C16orf96: variants seen among roughly 807,000 people sequenced by gnomAD.
C16orf96 encodes chromosome 16 open reading frame 96.
In C16orf96, 108 loss-of-function variants were observed where a neutral mutation model predicts 103.6. The ratio of observed to expected loss-of-function variants is 1.04; its 90% CI spans 0.89 to 1.22. The LOEUF (loss-of-function observed/expected upper bound fraction) is 1.22. Among genes scored for constraint, C16orf96 ranks in the 50% most tolerant of loss-of-function variants. The probability of loss-of-function intolerance (pLI) is 0.00; values close to 1 mark genes in which losing one functional copy is unlikely to be tolerated. For missense variants in C16orf96, 1,586 were observed against 1,464.2 expected, an observed-to-expected ratio of 1.08 and a Z score of -1.36; for synonymous variants, 566 against 593.5, an observed-to-expected ratio of 0.95 and a Z score of 0.67.
chr16:4,593,460 G>C lies in C16orf96; in HGVS notation c.2867+144G>C. 1 of 765,822 alleles carries C rather than the reference G, an allele frequency of 1.3e-6. No individual in the cohort carries two copies. The highest frequency in any genetic ancestry group is 2.1e-6 in the Non-Finnish European group (1 of 475,274). 47.4% of individuals were successfully genotyped at this position (765,822 alleles called of 1,614,324 possible). A position where few individuals can be genotyped will look rare whatever the true frequency, so the allele number is the denominator to read the frequency against. On this transcript the variant is annotated intron_variant, in intron 12 of 15. Coordinates refer to ENST00000444310, the MANE Select transcript of C16orf96 (RefSeq NM_001145011.2). The surrounding 1 kb of genome is among the most constrained non-coding windows in gnomAD (Gnocchi z 4.2). ...ACATGGCCAGCCCTTCGCAAGACAG[G>C]CACTCCGAGAGGTGGCTGGGGCGGC...
chr16:4,556,715 A>G lies in C16orf96; in HGVS notation c.226A>G (p.Arg76Gly). ...CCAGCCTATCCTCAACCCCATGAAGAGGCTCAGCAATGTCTTCGACCACGT... is the reference window on the plus strand; with the variant it reads ...CCAGCCTATCCTCAACCCCATGAAGGGGCTCAGCAATGTCTTCGACCACGT... ...DAQPILNPMK[R>G]LSNVFDHVVS... Residue 76 changes from arginine to glycine, a missense_variant, in exon 1 of 16, where the codon AGG becomes GGG. By Grantham distance (125) the Arg-to-Gly change is moderately radical. Transcript: ENST00000444310. 1 of 1,551,674 alleles carries G rather than the reference A, an allele frequency of 6.4e-7. No homozygotes were observed. The highest frequency in any genetic ancestry group is 8.7e-7 in the Non-Finnish European group (1 of 1,147,000).
intron 14 of C16orf96, among the ~76,000 whole-genome samples, chr16:4,597,925 A>G (rs991463024): frequency 2.6e-5 from 4 of 152,178 alleles, no homozygotes; most frequent in African/African-American, 7.2e-5. Context: ...TTAAAGCTGA[A>G]AAGTGGTAAG....
At chr16:4,590,107 C>G (rs1394422918) in intron 9 of C16orf96, among the ~76,000 whole-genome samples, 1 of 151,798 alleles carries the variant, frequency 6.6e-6, no homozygotes, top group African/African-American at 2.4e-5. Context: ...GCCTGGGCGA[C>G]AGAGCAAGAC....
intron 1 of C16orf96, among the ~76,000 whole-genome samples, chr16:4,559,815 C>G (rs1021758334): frequency 6.6e-6 from 1 of 152,072 alleles, no homozygotes; most frequent in African/African-American, 2.4e-5. Context: ...ACGGATTTGC[C>G]TATTCTGGAC....
the C16orf96 span, among the ~76,000 whole-genome samples, chr16:4,540,149 C>T: frequency 1.3e-5 from 2 of 152,180 alleles, no homozygotes; most frequent in African/African-American, 2.4e-5. Context: ...GCTACTTGCT[C>T]AGGTACTTCC....
intron 9 of C16orf96, among the ~76,000 whole-genome samples, chr16:4,590,141 C>T (rs752857304): frequency 8.7e-5 from 13 of 149,648 alleles, no homozygotes; most frequent in South Asian, 8.4e-4. Flanking sequence ...AATACTCCCT[C>T]GGGTGGCACA....
At chr16:4,571,835 T>C (rs926404095) in intron 2 of C16orf96, among the ~76,000 whole-genome samples, 170 bp downstream of exon 2, 2 of 151,420 alleles carry the variant, frequency 1.3e-5, no homozygotes, top group African/African-American at 4.9e-5. Flanking sequence ...CTGTGACCCC[T>C]CCATGCTTTC....
At chr16:4,592,548 T>C (rs1897083691) in intron 11 of C16orf96, among the ~76,000 whole-genome samples, 181 bp downstream of exon 11, 1 of 151,570 alleles carries the variant, frequency 6.6e-6, no homozygotes, top group Admixed American at 6.6e-5. Flanking sequence ...ATGCACCAGG[T>C]ATCTACACAT....
At chr16:4,547,356 T>G in the C16orf96 span, among the ~76,000 whole-genome samples, 25 of 152,288 alleles carry the variant, frequency 1.6e-4, no homozygotes, top group East Asian at 4.4e-3. Flanking sequence ...AGGCTGATCT[T>G]GAACTCCTGA....
At chr16:4,568,126 A>G (rs1269251809) in intron 1 of C16orf96, among the ~76,000 whole-genome samples, 1 of 151,954 alleles carries the variant, frequency 6.6e-6, no homozygotes, top group Non-Finnish European at 1.5e-5. Context: ...GCTGGTCTGG[A>G]ACTCCTGAGC....
chr16:4,539,624 G>A, the C16orf96 span, among the ~76,000 whole-genome samples: 61 of 152,144 alleles, frequency 4.0e-4, no homozygotes, highest in African/African-American at 1.4e-3. Flanking sequence ...GATGGAGGTT[G>A]CAGTGAGCTG....
intron 1 of C16orf96, 146 bp downstream of exon 1, chr16:4,557,055 C>T (rs983735589): frequency 8.9e-6 from 8 of 901,764 alleles, no homozygotes; most frequent in Admixed American, 3.0e-5. Context: ...CTGCAACCTC[C>T]GCCTCCCGGG....
chr16:4,579,204 T>G (rs112037285), intron 6 of C16orf96, among the ~76,000 whole-genome samples, 179 bp downstream of exon 6: 5,169 of 33,030 alleles, frequency 0.16, 221 homozygotes, highest in East Asian at 0.51. Context: ...ACTGGTGCGG[T>G]GGGGGGGCCC....
In C16orf96 at chr16:4,579,902, C is replaced by T. The variant is rs532274407; in HGVS notation, c.2242-113C>T. On this transcript the variant is annotated intron_variant, in intron 6 of 15. Transcript: ENST00000444310. ...CTGGGATTACAGGCATGAGCCACCA[C>T]GCCCAGCCTGGTCTGGTACATTCTT... 138 of 872,252 alleles carry T rather than the reference C, an allele frequency of 1.6e-4. 1 individual carries two copies. The highest frequency in any genetic ancestry group is 1.4e-3 in the African/African-American group (79 of 58,306). 54.0% of individuals were successfully genotyped at this position (872,252 alleles called of 1,614,324 possible). A position where few individuals can be genotyped will look rare whatever the true frequency, so the allele number is the denominator to read the frequency against.
At chr16:4,578,188 G>C (rs375334177) in intron 5 of C16orf96, among the ~76,000 whole-genome samples, 1 of 152,222 alleles carries the variant, frequency 6.6e-6, no homozygotes, top group East Asian at 1.9e-4. Context: ...TTTGTCGCCG[G>C]TTGGAGTGCA....
intron 1 of C16orf96, among the ~76,000 whole-genome samples, chr16:4,566,921 G>C (rs2059389596): frequency 6.6e-6 from 1 of 151,988 alleles, no homozygotes. Context: ...CTAAAAGTTT[G>C]TCAATTTTGT....
intron 7 of C16orf96, among the ~76,000 whole-genome samples, chr16:4,581,536 G>C (rs2059589023): frequency 6.6e-6 from 1 of 151,982 alleles, no homozygotes; most frequent in African/African-American, 2.4e-5. Context: ...AGGAGGCTGA[G>C]GCAGGAGAAT....
intron 7 of C16orf96, among the ~76,000 whole-genome samples, chr16:4,585,415 C>A (rs151060895): frequency 2.0e-5 from 3 of 151,904 alleles, no homozygotes; most frequent in Non-Finnish European, 4.4e-5. Context: ...TGTGATCAAG[C>A]CACTTTACTC....
chr16:4,559,224 A>G (rs2059301846), intron 1 of C16orf96, among the ~76,000 whole-genome samples: 1 of 151,648 alleles, frequency 6.6e-6, no homozygotes. Context: ...GAGCGTTCCC[A>G]AGTTACCACT....
Sources: allele counts gnomAD v4.1 joint callset (sites outside exome capture counted in the v4.1 genomes callset), GRCh38; gene constraint gnomAD v4.1.1; non-coding constraint Gnocchi (gnomAD v3.1); transcripts MANE v1.5; gene names NCBI Gene and HGNC (gene_info 2026-07-23, HGNC 2026-07-21).